KLF12: variants seen among roughly 807,000 people sequenced by gnomAD.
KLF12 encodes Krueppel-like factor 12.
KLF12 carries 9 observed loss-of-function variants against 37.8 expected under a neutral mutation model. The ratio of observed to expected loss-of-function variants is 0.24; its 90% CI spans 0.14 to 0.42. The LOEUF (loss-of-function observed/expected upper bound fraction) is 0.42. Among genes scored for constraint, KLF12 ranks in the 10% least tolerant of loss-of-function variants. The pLI is 1.00. For synonymous variants in KLF12, 208 were observed against 202.1 expected, an observed-to-expected ratio of 1.03 and a Z score of -0.25; for missense variants, 411 against 516.0, an observed-to-expected ratio of 0.80 and a Z score of 1.97.
At chr13:73,725,082 G>T (rs73527472) in intron 6 of KLF12, among the ~76,000 whole-genome samples, 1 of 152,144 alleles carries the variant, frequency 6.6e-6, no homozygotes, top group East Asian at 1.9e-4. Flanking sequence ...AAACTACAAG[G>T]TTTTAATTTT....
intron 3 of KLF12, among the ~76,000 whole-genome samples, chr13:73,874,534 T>A (rs1256810673): frequency 6.6e-6 from 1 of 152,228 alleles, no homozygotes; most frequent in Non-Finnish European, 1.5e-5. Context: ...ACTGCAGTGA[T>A]GTCTGTCTAT....
intron 4 of KLF12, among the ~76,000 whole-genome samples, chr13:73,838,782 G>A (rs1196605503): frequency 6.6e-6 from 1 of 152,198 alleles, no homozygotes; most frequent in Non-Finnish European, 1.5e-5. Context: ...ACATTTGATT[G>A]CTTTTGTGTG....
At chr13:74,193,160 G>A in the KLF12 span, among the ~76,000 whole-genome samples, 1 of 151,860 alleles carries the variant, frequency 6.6e-6, no homozygotes, top group African/African-American at 2.4e-5. Context: ...TGTGTTTTTA[G>A]TAGAGACAGG....
chr13:73,784,597 C>G (rs1344368811), intron 5 of KLF12, among the ~76,000 whole-genome samples: 2 of 151,824 alleles, frequency 1.3e-5, no homozygotes, highest in South Asian at 4.2e-4. Context: ...ATCTCCTCCT[C>G]CACTCCAGCA....
chr13:73,783,654 ATGTGAATTGC>A, intron 5 of KLF12, among the ~76,000 whole-genome samples: 1 of 152,270 alleles, frequency 6.6e-6, no homozygotes, highest in East Asian at 1.9e-4. Context: ...TATTTTACTA[ATGTGAATTGC>A]TGTGAAATGC....
At chr13:74,185,486 T>C in the KLF12 span, among the ~76,000 whole-genome samples, 1 of 152,198 alleles carries the variant, frequency 6.6e-6, no homozygotes, top group Non-Finnish European at 1.5e-5. Flanking sequence ...CAGGTTATTA[T>C]GCATTGTGAG....
intron 3 of KLF12, among the ~76,000 whole-genome samples, chr13:73,855,455 C>T (rs1885558193): frequency 6.6e-6 from 1 of 152,150 alleles, no homozygotes; most frequent in Non-Finnish European, 1.5e-5. Flanking sequence ...CATAGTATTC[C>T]ACGGTGTATA....
chr13:74,227,621 G>C, the KLF12 span, among the ~76,000 whole-genome samples: 6 of 151,946 alleles, frequency 3.9e-5, no homozygotes, highest in African/African-American at 1.5e-4. Flanking sequence ...CCATACATAG[G>C]CTTAGCAAAC....
chr13:74,178,043 G>A, the KLF12 span, among the ~76,000 whole-genome samples: 1 of 152,200 alleles, frequency 6.6e-6, no homozygotes, highest in South Asian at 2.1e-4. Flanking sequence ...GAGTCAGGTG[G>A]TCCGTGGCTG....
chr13:74,053,303 A>T lies in KLF12; in HGVS notation c.-31-58250T>A, dbSNP rs139772616. Among the ~76,000 whole-genome samples the T allele has an allele frequency of 3.3e-3, 507 of 152,310 alleles. 3 individuals carry two copies. The highest frequency in any genetic ancestry group is 0.011 in the African/African-American group (469 of 41,556). ...TTATACTAAATATACATTCCTTGTA[A>T]GAGAGAGATCTCTCACCTTTCATTA... On this transcript the variant is annotated intron_variant, in intron 1 of 7. Transcript: ENST00000377669.
At chr13:74,133,676 CAAAAA>C (rs60415171) in intron 1 of KLF12, among the ~76,000 whole-genome samples, 3 of 132,364 alleles carry the variant, frequency 2.3e-5, no homozygotes, top group Non-Finnish European at 3.2e-5. Context: ...TTTGGGATGG[CAAAAA>C]AAAAAAAAAA....
Position 73,910,784 on chromosome 13 carries a change from G to A in KLF12, c.123+33197C>T, listed in dbSNP as rs1164142315. ...ATGCCCAATGTGGCTGTATTGAGAGGTAAGGGCTTTATGAAGTGGAATGGG... is the reference window on the plus strand; with the variant it reads ...ATGCCCAATGTGGCTGTATTGAGAGATAAGGGCTTTATGAAGTGGAATGGG... On this transcript the variant is annotated intron_variant, in intron 3 of 7. Transcript: ENST00000377669. Among the ~76,000 whole-genome samples the A allele has an allele frequency of 3.9e-5, 6 of 152,278 alleles. No individual in the cohort carries two copies. The East Asian group carries it at 9.6e-4, about 24-fold the overall frequency.
chr13:74,006,868 C>A (rs982987273), intron 1 of KLF12, among the ~76,000 whole-genome samples: 9 of 152,206 alleles, frequency 5.9e-5, no homozygotes, highest in African/African-American at 2.2e-4. Flanking sequence ...AACGATTGCT[C>A]ATCTCTAGTC....
chr13:73,963,482 T>C (rs1891085235), intron 2 of KLF12, among the ~76,000 whole-genome samples: 1 of 152,184 alleles, frequency 6.6e-6, no homozygotes, highest in Non-Finnish European at 1.5e-5. Context: ...TATTTTCAAT[T>C]TTAGAATGGA....
At chr13:73,865,295 G>A (rs762948965) in intron 3 of KLF12, among the ~76,000 whole-genome samples, 2 of 152,094 alleles carry the variant, frequency 1.3e-5, no homozygotes, top group Admixed American at 6.5e-5. Flanking sequence ...GTGATGACAT[G>A]CAAAATAATC....
intron 1 of KLF12, among the ~76,000 whole-genome samples, chr13:74,124,189 T>C (rs1285533430): frequency 1.3e-5 from 2 of 152,242 alleles, no homozygotes; most frequent in African/African-American, 4.8e-5. Context: ...TTCATTTCTT[T>C]CTTCAATGAA....
At chr13:73,955,665 C>A (rs1593779180) in intron 2 of KLF12, among the ~76,000 whole-genome samples, 3 of 152,236 alleles carry the variant, frequency 2.0e-5, no homozygotes, top group East Asian at 3.9e-4. Context: ...ATGTGATTAT[C>A]CAGAAATATA....
intron 3 of KLF12, among the ~76,000 whole-genome samples, chr13:73,894,614 T>A (rs1320470090): frequency 6.6e-6 from 1 of 152,170 alleles, no homozygotes; most frequent in African/African-American, 2.4e-5. Flanking sequence ...AGGTATTCAA[T>A]CAATTTCTCT....
intron 3 of KLF12, among the ~76,000 whole-genome samples, chr13:73,938,321 T>C (rs1310091987): frequency 1.3e-5 from 2 of 152,230 alleles, no homozygotes; most frequent in African/African-American, 4.8e-5. Flanking sequence ...TTCCCCCTAA[T>C]GCTACTGAAT....
Sources: allele counts gnomAD v4.1 joint callset (sites outside exome capture counted in the v4.1 genomes callset), GRCh38; gene constraint gnomAD v4.1.1; transcripts MANE v1.5; gene names NCBI Gene and HGNC (gene_info 2026-07-23, HGNC 2026-07-21).